KIF20B: variants seen among roughly 807,000 people sequenced by gnomAD.
KIF20B encodes kinesin family member 20B.
KIF20B carries 188 observed loss-of-function variants against 232.5 expected under a neutral mutation model. The ratio of observed to expected loss-of-function variants is 0.81; its 90% CI spans 0.72 to 0.91. The LOEUF (loss-of-function observed/expected upper bound fraction) is 0.91, where lower values mean the gene tolerates loss of function less well. Among genes scored for constraint, KIF20B ranks in the 40% least tolerant of loss-of-function variants. The pLI is 0.00. For synonymous variants in KIF20B, 712 were observed against 683.0 expected (o/e 1.04, Z -0.66); for missense variants, 2,154 against 2,055.9 (o/e 1.05, Z -0.92).
intron 2 of KIF20B, among the ~76,000 whole-genome samples, chr10:89,707,412 T>C (rs1467706750): frequency 6.6e-6 from 1 of 152,158 alleles, no homozygotes; most frequent in Non-Finnish European, 1.5e-5. Context: ...GGATTTTGTA[T>C]GCGTATGTTC....
chr10:89,723,622 T>C (rs1304740885), intron 13 of KIF20B: 1 of 156,108 alleles, frequency 6.4e-6, no homozygotes, highest in African/African-American at 2.4e-5. Context: ...GATACCAAGC[T>C]CACAGAAAGT....
intron 4 of KIF20B, 27 bp downstream of exon 4, chr10:89,709,488 G>T: frequency 6.8e-7 from 1 of 1,467,188 alleles, no homozygotes; most frequent in East Asian, 2.3e-5. Flanking sequence ...TTTGTTTTTT[G>T]TTTTAAAGAT....
intron 21 of KIF20B, 128 bp downstream of exon 21, chr10:89,739,224 A>C (rs920236873): frequency 1.0e-6 from 1 of 1,002,050 alleles, no homozygotes; most frequent in Non-Finnish European, 1.4e-6. Context: ...TTAAAATTAC[A>C]AGAACAGTTA....
intron 4 of KIF20B, 150 bp downstream of exon 4, chr10:89,709,611 T>TA: frequency 1.8e-6 from 1 of 566,784 alleles, no homozygotes; most frequent in Non-Finnish European, 3.1e-6. Flanking sequence ...GGTCTGGAAA[T>TA]ATATAATTGG....
chr10:89,772,051 T>TA (rs201321376), intron 31 of KIF20B, among the ~76,000 whole-genome samples: 1 of 133,298 alleles, frequency 7.5e-6, no homozygotes, highest in African/African-American at 3.2e-5. Context: ...TTTTTCTATT[T>TA]AAAAAAAAAT....
intron 2 of KIF20B, among the ~76,000 whole-genome samples, chr10:89,707,926 T>A (rs1245163094): frequency 6.6e-6 from 1 of 152,238 alleles, no homozygotes; most frequent in Admixed American, 6.5e-5. Context: ...AAAGTTTCTC[T>A]TCATTTATTC....
chr10:89,752,554 G>A lies in KIF20B; in HGVS notation c.4223-13G>A. On this transcript the variant is annotated splice_polypyrimidine_tract_variant and intron_variant, in intron 24 of 32. Transcript: ENST00000371728. ...CATATGCTTTAAAACATAATTTTAT[G>A]TCTTCAAATCAGAATTGGAAAAATG... is the stretch of plus-strand genomic sequence containing the variant. The A allele has an allele frequency of 4.4e-6, 7 of 1,578,328 alleles. No individual in the cohort carries two copies. The highest frequency in any genetic ancestry group is 6.0e-6 in the Non-Finnish European group (7 of 1,161,414).
At position 89,756,294 on chromosome 10, in the gene KIF20B, A is replaced by C. The variant is rs181159596; in HGVS notation, c.4503+1621A>C. Reference sequence around the variant, plus strand: ...TAGCACATAGAATTCCTGTATACCTATCACCCAACCTTCCTGACCCAGTAG... The same window carrying C: ...TAGCACATAGAATTCCTGTATACCTCTCACCCAACCTTCCTGACCCAGTAG... On this transcript the variant is annotated intron_variant, in intron 26 of 32. Transcript: ENST00000371728. 8.5e-4 allele frequency among the ~76,000 whole-genome samples: 129 copies of C among 152,316 alleles called. 4 individuals carry two copies. The East Asian group carries it at 0.018, about 21-fold the overall frequency.
chr10:89,730,841 TTTTTCA>T (rs1345970461), intron 18 of KIF20B, among the ~76,000 whole-genome samples: 1 of 150,176 alleles, frequency 6.7e-6, no homozygotes, highest in Non-Finnish European at 1.5e-5. Context: ...CAAAGAGGAG[TTTTTCA>T]TTTGAGTAGA....
At position 89,709,916 on chromosome 10, in the gene KIF20B, T is replaced by C. The variant is rs1842803207; in HGVS notation, c.352-11T>C. ...TTTTCTAAAAAGAGTTTTTAAAAAA[T>C]GTTTGCTTAGGTTTTTGGCCCAGCA... On this transcript the variant is annotated splice_polypyrimidine_tract_variant and intron_variant, in intron 4 of 32. Transcript: ENST00000371728. The C allele has an allele frequency of 6.4e-7, 1 of 1,561,904 alleles. No individual in the cohort carries two copies. Among genetic ancestry groups the C allele is most frequent in the African/African-American group, 1.4e-5 (1 of 72,140 alleles).
rs1366220273 is a variant in KIF20B at position 89,739,030 on chromosome 10, A to G, written c.3849A>G (p.Glu1283=). ...NLKADLQRKE[E]DYADLKEKLT... Reference sequence around the variant, plus strand: ...AAGCAGATCTTCAGAGGAAGGAAGAAGATTATGCTGACCTGAAAGAGAAAC... The same window carrying G: ...AAGCAGATCTTCAGAGGAAGGAAGAGGATTATGCTGACCTGAAAGAGAAAC... The change falls in exon 21 of 33, where the codon GAA becomes GAG. Residue 1283 remains glutamate, a synonymous_variant. Coordinates refer to ENST00000371728, the MANE Select transcript of KIF20B (RefSeq NM_001284259.2). The G allele has an allele frequency of 6.2e-7, 1 of 1,613,554 alleles. No homozygotes were observed. Among genetic ancestry groups the G allele is most frequent in the Admixed American group, 1.7e-5 (1 of 60,004 alleles).
At chr10:89,766,022 G>C (rs1037608808) in intron 29 of KIF20B, among the ~76,000 whole-genome samples, 1 of 152,050 alleles carries the variant, frequency 6.6e-6, no homozygotes, top group Non-Finnish European at 1.5e-5. Flanking sequence ...GGCGTTCTCT[G>C]TATTTCCTGA....
At position 89,754,817 on chromosome 10, in the gene KIF20B, C is replaced by G. The variant is rs1319588294; in HGVS notation, c.4503+144C>G. 7.7e-6 allele frequency: 4 copies of G among 522,170 alleles called. No homozygotes were observed. In the African/African-American group the frequency reaches 7.9e-5, roughly 10 times the overall value. 32.3% of individuals were successfully genotyped at this position (522,170 alleles called of 1,614,324 possible). The stretch of plus-strand genomic sequence containing the variant: ...TCATCTTTATAAGATAACTTCTGAG[C>G]CAATTTATCTTGACATTCACTAATG... On this transcript the variant is annotated intron_variant, in intron 26 of 32. Transcript: ENST00000371728.
At chr10:89,732,044 G>A (rs1327819202) in intron 18 of KIF20B, among the ~76,000 whole-genome samples, 1 of 151,942 alleles carries the variant, frequency 6.6e-6, no homozygotes, top group Non-Finnish European at 1.5e-5. Context: ...ATAGACTTGC[G>A]CTTAAATGCT....
At chr10:89,733,540 T>TA (rs1843377093) in intron 19 of KIF20B, among the ~76,000 whole-genome samples, 1 of 152,188 alleles carries the variant, frequency 6.6e-6, no homozygotes, top group Non-Finnish European at 1.5e-5. Context: ...GATTATTTTT[T>TA]AAAAAATCTT....
At chr10:89,716,191 A>G (rs529954868) in intron 8 of KIF20B, among the ~76,000 whole-genome samples, 17 of 152,022 alleles carry the variant, frequency 1.1e-4, no homozygotes, top group African/African-American at 3.4e-4. Flanking sequence ...ACTGTATTCA[A>G]TTTTCCGTTT....
At position 89,752,648 on chromosome 10, in the gene KIF20B, C is replaced by T; in HGVS notation, c.4304C>T (p.Thr1435Ile). 3 of 1,599,268 alleles carry T rather than the reference C, an allele frequency of 1.9e-6. No homozygotes were observed. The highest frequency in any genetic ancestry group is 2.6e-6 in the Non-Finnish European group (3 of 1,173,222). Residue 1435 changes from threonine (T) to isoleucine (I), a missense_variant, in exon 25 of 33, where the codon ACA (threonine) becomes ATA (isoleucine). Physicochemically the swap from Thr to Ile is moderately conservative, Grantham distance 89 (BLOSUM62 -1). Transcript: ENST00000371728. ...QRSNKEHENN[T>I]DVLGKLTNLQ... ...TCAAATAAAGAACATGAGAACAACA[C>T]AGATGTGCTTGGAAAGCTCACTAAT...
chr10:89,751,669 G>GAA (rs397801932), intron 24 of KIF20B, among the ~76,000 whole-genome samples, 198 bp downstream of exon 24: 4 of 151,848 alleles, frequency 2.6e-5, no homozygotes, highest in African/African-American at 9.7e-5. Flanking sequence ...ATGCAGTAAA[G>GAA]GAGTAAGGAC....
At position 89,709,788 on chromosome 10, in the gene KIF20B, T is replaced by C. The variant is rs557654459; in HGVS notation, c.352-139T>C. On this transcript the variant is annotated intron_variant, in intron 4 of 32. Coordinates refer to ENST00000371728, the MANE Select transcript of KIF20B (RefSeq NM_001284259.2). ...ACTTTCTGGTAGTAAAACTATCAAA[T>C]GTATTTGTGGGAGTGGGGATGTGGC... The C allele has an allele frequency of 2.0e-5, 11 of 551,662 alleles. No individual in the cohort carries two copies. The Admixed American group carries it at 4.2e-4, about 21-fold the overall frequency. 34.2% of individuals were successfully genotyped at this position (551,662 alleles called of 1,614,324 possible).
Sources: gnomAD v4.1 joint callset for allele counts (sites outside exome capture counted in the v4.1 genomes callset) on GRCh38, gnomAD v4.1.1 for gene constraint, MANE v1.5 for transcripts, NCBI Gene and HGNC (gene_info 2026-07-23, HGNC 2026-07-21) for gene names.